The following KCNMA1 variants were observed in gnomAD, a reference collection of about 807,000 sequenced individuals.
KCNMA1 encodes the protein Calcium-activated potassium channel subunit alpha-1.
In KCNMA1, 29 loss-of-function variants were observed where a neutral mutation model predicts 140.0. The ratio of observed to expected loss-of-function variants is 0.21; its 90% confidence interval spans 0.15 to 0.28. KCNMA1 has a LOEUF of 0.28. KCNMA1 is among the 10% of genes least tolerant of loss of function. The pLI, the probability that KCNMA1 is intolerant of heterozygous loss-of-function variation, is 1.00. For missense variants in KCNMA1, 880 were observed against 1,602.2 expected (o/e 0.55, Z 7.70); for synonymous variants, 612 against 611.9 (o/e 1.00, Z 0.00).
intron 15 of KCNMA1, among the ~76,000 whole-genome samples, chr10:77,032,561 G>A (rs11001979): frequency 0.083 from 12,573 of 151,910 alleles, 655 homozygotes; most frequent in Non-Finnish European, 0.12. Flanking sequence ...TAATTACAGG[G>A]GAATAGAAAT....
chr10:76,887,683 A>C (rs1425185282), intron 27 of KCNMA1, 168 bp from the exon 28 acceptor site: 10 of 755,048 alleles, frequency 1.3e-5, no homozygotes, highest in Non-Finnish European at 2.2e-5. Context: ...GTTAAATGGA[A>C]ACTTCCTCTG....
intron 5 of KCNMA1, among the ~76,000 whole-genome samples, chr10:77,162,946 AT>A (rs1349471016): frequency 6.6e-6 from 1 of 152,234 alleles, no homozygotes; most frequent in Admixed American, 6.5e-5. Flanking sequence ...CCCATCAAGG[AT>A]AATGATTTCA....
chr10:76,944,699 G>A, intron 23 of KCNMA1, 74 bp downstream of exon 23: 1 of 1,369,362 alleles, frequency 7.3e-7, no homozygotes, highest in Non-Finnish European at 1.0e-6. Context: ...TTGAATTACT[G>A]AGTGAAGGAT....
intron 5 of KCNMA1, among the ~76,000 whole-genome samples, chr10:77,135,563 T>C (rs1393123303): frequency 6.6e-6 from 1 of 152,232 alleles, no homozygotes; most frequent in Non-Finnish European, 1.5e-5. Flanking sequence ...TTTGCAGCAC[T>C]ATTCACAATA....
chr10:77,286,808 A>C (rs965131930), intron 2 of KCNMA1, among the ~76,000 whole-genome samples: 4 of 146,554 alleles, frequency 2.7e-5, no homozygotes, highest in African/African-American at 9.9e-5. Context: ...ATGCATCCTC[A>C]TTTATACACC....
intron 3 of KCNMA1, among the ~76,000 whole-genome samples, chr10:77,242,767 G>C (rs1285577354): frequency 6.6e-6 from 1 of 152,094 alleles, no homozygotes. Flanking sequence ...GCTATTATCT[G>C]ATTGGTACCT....
intron 21 of KCNMA1, 166 bp from the exon 22 acceptor site, chr10:76,949,532 A>T (rs2065445893): frequency 3.0e-6 from 2 of 676,232 alleles, no homozygotes; most frequent in Non-Finnish European, 5.3e-6. Flanking sequence ...ATATAGAGCT[A>T]TAATTTGAGC....
chr10:77,352,905 G>A lies in KCNMA1; in HGVS notation c.540+50957C>T, dbSNP rs962440802. On this transcript the variant is annotated intron_variant, in intron 2 of 27. Transcript: ENST00000286628. ...AATATAGATGCCACCTTGTAAACTG[G>A]TTGATAATTCAGAAAATGACAGCTC... Among the ~76,000 whole-genome samples, 4 of 152,330 alleles carry A rather than the reference G, an allele frequency of 2.6e-5. No individual in the cohort carries two copies. In the East Asian group the frequency reaches 7.7e-4, roughly 29 times the overall value.
At chr10:77,297,676 A>C (rs489865) in intron 2 of KCNMA1, among the ~76,000 whole-genome samples, 127,504 of 152,176 alleles carry the variant, frequency 0.84, 53,594 homozygotes, top group Middle Eastern at 0.9. Context: ...CCCAAGACAG[A>C]TGGTATAAAG....
chr10:77,391,849 G>C (rs1305753526), intron 2 of KCNMA1, among the ~76,000 whole-genome samples: 1 of 151,708 alleles, frequency 6.6e-6, no homozygotes. Flanking sequence ...AACGACAAAG[G>C]CTGATGACTT....
At chr10:77,581,762 C>T (rs539724910) in intron 1 of KCNMA1, among the ~76,000 whole-genome samples, 9 of 152,320 alleles carry the variant, frequency 5.9e-5, no homozygotes, top group African/African-American at 1.9e-4. Context: ...GACCTTGGAA[C>T]GGTGACTAGG....
At chr10:77,173,593 T>C (rs1054251759) in intron 5 of KCNMA1, among the ~76,000 whole-genome samples, 3 of 152,196 alleles carry the variant, frequency 2.0e-5, no homozygotes, top group African/African-American at 7.2e-5. Context: ...TTTGGATTTC[T>C]CTTTCTCTCA....
intron 23 of KCNMA1, among the ~76,000 whole-genome samples, chr10:76,937,913 ATGTG>A (rs1013080316): frequency 1.4e-5 from 2 of 147,700 alleles, no homozygotes; most frequent in Non-Finnish European, 3.0e-5. Context: ...GTGTGTGCGT[ATGTG>A]TGTGTGTGTT....
intron 9 of KCNMA1, among the ~76,000 whole-genome samples, chr10:77,097,982 G>C (rs1022873300): frequency 6.6e-6 from 1 of 152,194 alleles, no homozygotes; most frequent in African/African-American, 2.4e-5. Context: ...ACAACTGGCA[G>C]CCCCAGTGGG....
intron 19 of KCNMA1, among the ~76,000 whole-genome samples, chr10:76,998,964 G>A (rs1041294845): frequency 3.9e-5 from 6 of 152,322 alleles, no homozygotes; most frequent in South Asian, 2.1e-4. Flanking sequence ...GAGTGATGAC[G>A]GCAGGACGAC....
At chr10:77,008,975 T>G (rs1302102031) in intron 18 of KCNMA1, among the ~76,000 whole-genome samples, 1 of 152,244 alleles carries the variant, frequency 6.6e-6, no homozygotes, top group Non-Finnish European at 1.5e-5. Context: ...TTTTAATAAT[T>G]CATTTTATTC....
chr10:77,118,761 C>G (rs985736598), intron 6 of KCNMA1, among the ~76,000 whole-genome samples: 1 of 152,200 alleles, frequency 6.6e-6, no homozygotes, highest in African/African-American at 2.4e-5. Context: ...CCTGGGCATG[C>G]TGACATCAGC....
intron 2 of KCNMA1, among the ~76,000 whole-genome samples, chr10:77,303,178 TC>T (rs753000065): frequency 6.6e-6 from 1 of 152,216 alleles, no homozygotes; most frequent in Non-Finnish European, 1.5e-5. Context: ...AAGTGAATGT[TC>T]CTTCTCCCAT....
intron 3 of KCNMA1, among the ~76,000 whole-genome samples, chr10:77,231,948 T>A (rs2053750941): frequency 6.6e-6 from 1 of 152,160 alleles, no homozygotes; most frequent in Non-Finnish European, 1.5e-5. Context: ...ACCCCCAATC[T>A]CCCCACAAGC....
Sources: gnomAD v4.1 joint callset for allele counts (sites outside exome capture counted in the v4.1 genomes callset) on GRCh38, gnomAD v4.1.1 for gene constraint, MANE v1.5 for transcripts, NCBI Gene and HGNC (gene_info 2026-07-23, HGNC 2026-07-21) for gene names.